Variants in RYR3 observed in about 807,000 individuals in gnomAD.
RYR3 encodes the protein brain ryanodine receptor-calcium release channel.
A neutral mutation model predicts 584.3 loss-of-function variants in RYR3; 207 were observed. The observed-to-expected ratio is 0.35, with a 90% CI of 0.32 to 0.40. The LOEUF is 0.40. RYR3 is among the 10% of genes least tolerant of loss of function. The pLI, the probability that RYR3 is intolerant of heterozygous loss-of-function variation, is 1.00. For missense variants in RYR3, 5,616 were observed against 6,089.2 expected (o/e 0.92, Z 2.59); for synonymous variants, 2,416 against 2,248.5 (o/e 1.07, Z -2.11).
intron 38 of RYR3, among the ~76,000 whole-genome samples, chr15:33,673,619 G>A (rs952934835): frequency 6.6e-6 from 1 of 152,154 alleles, no homozygotes; most frequent in African/African-American, 2.4e-5. Flanking sequence ...AGTTTAAGCA[G>A]CATTTCCTTC....
intron 23 of RYR3, among the ~76,000 whole-genome samples, chr15:33,631,761 T>A (rs1352859898): frequency 6.6e-6 from 1 of 152,180 alleles, no homozygotes; most frequent in Non-Finnish European, 1.5e-5. Context: ...AGTTGCACAT[T>A]TCTTGTCCTT....
chr15:33,725,462 G>C (rs1596322013), intron 45 of RYR3, among the ~76,000 whole-genome samples: 1 of 152,266 alleles, frequency 6.6e-6, no homozygotes, highest in South Asian at 2.1e-4. Context: ...GAGACTGCCT[G>C]TGCAGGGGGA....
Position 33,489,201 on chromosome 15 carries a change from A to G in RYR3, c.172-14430A>G, listed in dbSNP as rs948704518. Among the ~76,000 whole-genome samples the G allele has an allele frequency of 7.2e-5, 11 of 152,272 alleles. No individual in the cohort carries two copies. In the East Asian group the frequency reaches 2.1e-3, roughly 29 times the overall value. On this transcript the variant is annotated intron_variant, in intron 2 of 103. Coordinates refer to ENST00000634891, the MANE Select transcript of RYR3 (RefSeq NM_001036.6). ...TTCAGACATTTACATCGACAGCTTT[A>G]TGTTCCTTATTTTTTTAACTTTTAA... is the stretch of plus-strand genomic sequence containing the variant.
In RYR3 at chr15:33,865,973, A is replaced by G. The variant is rs888996897; in HGVS notation, c.*747A>G. The G allele has an allele frequency of 3.9e-5, 6 of 152,858 alleles. No individual in the cohort carries two copies. The highest frequency in any genetic ancestry group is 1.3e-4 in the Admixed American group (2 of 15,302). 9.5% of individuals were successfully genotyped at this position (152,858 alleles called of 1,614,324 possible). A position where few individuals can be genotyped will look rare whatever the true frequency, so the allele number is the denominator to read the frequency against. Reference sequence around the variant, plus strand: ...AGTACTGTACTGAAAATTCAGAAAAAAAATCTCAACCTTATGCCAAAATGG... The same window carrying G: ...AGTACTGTACTGAAAATTCAGAAAAGAAATCTCAACCTTATGCCAAAATGG... On this transcript the variant is annotated 3_prime_UTR_variant, in exon 104 of 104. Coordinates refer to ENST00000634891, the MANE Select transcript of RYR3 (RefSeq NM_001036.6).
At chr15:33,389,592 A>G (rs1026596009) in intron 1 of RYR3, among the ~76,000 whole-genome samples, 3 of 152,360 alleles carry the variant, frequency 2.0e-5, no homozygotes, top group East Asian at 3.9e-4. Flanking sequence ...TACCGCAGCA[A>G]GTAATGTAAT....
chr15:33,850,768 G>T (rs960131492), intron 94 of RYR3: 1 of 152,012 alleles, frequency 6.6e-6, no homozygotes, highest in Non-Finnish European at 1.5e-5. Context: ...GAACATTACT[G>T]AGAGCTTAAA....
rs527558474 is a variant in RYR3 at position 33,363,082 on chromosome 15, C to T, written c.51+51986C>T. On this transcript the variant is annotated intron_variant, in intron 1 of 103. Transcript: ENST00000634891. ...CAACACAGCAACCTTCATCTGGCAT[C>T]TCCATTTGTTGATGAATAAATAAAA... Among the ~76,000 whole-genome samples, 12 of 152,302 alleles carry T rather than the reference C, an allele frequency of 7.9e-5. No individual in the cohort carries two copies. The East Asian group carries it at 2.3e-3, about 29-fold the overall frequency.
At chr15:33,797,791 A>G (rs2075708334) in intron 67 of RYR3, among the ~76,000 whole-genome samples, 1 of 152,190 alleles carries the variant, frequency 6.6e-6, no homozygotes, top group South Asian at 2.1e-4. Flanking sequence ...CACTGAAGGC[A>G]TCTGGAAAAC....
chr15:33,552,307 C>T (rs1000279055), intron 10 of RYR3, among the ~76,000 whole-genome samples: 3 of 152,280 alleles, frequency 2.0e-5, no homozygotes, highest in Admixed American at 1.3e-4. Context: ...TTGTAACACT[C>T]CTTCCACTTG....
Position 33,643,167 on chromosome 15 carries a change from C to G in RYR3, c.3557-1144C>G, listed in dbSNP as rs568028615. On this transcript the variant is annotated intron_variant, in intron 27 of 103. Coordinates refer to ENST00000634891, the MANE Select transcript of RYR3 (RefSeq NM_001036.6). Reference sequence around the variant, plus strand: ...TTAAATGTCCCCCGAAATGACCACTCTTATCCTAGGGAGTGACACCACTTT... The same window carrying G: ...TTAAATGTCCCCCGAAATGACCACTGTTATCCTAGGGAGTGACACCACTTT... 5.3e-4 allele frequency among the ~76,000 whole-genome samples: 80 copies of G among 152,254 alleles called. 1 individual carries two copies. Among genetic ancestry groups the G allele is most frequent in the Middle Eastern group, 3.4e-3 (1 of 294 alleles).
At chr15:33,419,505 A>G (rs1247069743) in intron 1 of RYR3, among the ~76,000 whole-genome samples, 4 of 151,954 alleles carry the variant, frequency 2.6e-5, no homozygotes. Flanking sequence ...TCCATCTATC[A>G]TTCATTTATT....
chr15:33,651,310 C>T (rs933538384), intron 31 of RYR3, among the ~76,000 whole-genome samples: 5 of 152,218 alleles, frequency 3.3e-5, no homozygotes, highest in African/African-American at 1.2e-4. Context: ...TAATTGTATT[C>T]TGTATTAGTC....
intron 64 of RYR3, among the ~76,000 whole-genome samples, chr15:33,778,197 A>ATAAG (rs58385342): frequency 6.6e-6 from 1 of 151,632 alleles, no homozygotes; most frequent in Non-Finnish European, 1.5e-5. Context: ...AAATAAATAA[A>ATAAG]GCTATCAGAT....
At chr15:33,401,152 G>T (rs1051251231) in intron 1 of RYR3, among the ~76,000 whole-genome samples, 2 of 152,052 alleles carry the variant, frequency 1.3e-5, no homozygotes, top group South Asian at 4.2e-4. Context: ...TCTTCTGCTC[G>T]GCTATTATGA....
intron 31 of RYR3, 30 bp from the exon 32 acceptor site, chr15:33,652,688 T>A (rs753107046): frequency 5.0e-6 from 8 of 1,608,576 alleles, no homozygotes; most frequent in Non-Finnish European, 6.8e-6. Flanking sequence ...CCAGTCCAGA[T>A]TCTGTGCCTT....
intron 3 of RYR3, among the ~76,000 whole-genome samples, chr15:33,504,389 A>G (rs2052278754): frequency 6.6e-6 from 1 of 152,146 alleles, no homozygotes; most frequent in Non-Finnish European, 1.5e-5. Context: ...ATTCATTTTT[A>G]TATATTTGTC....
intron 38 of RYR3, among the ~76,000 whole-genome samples, chr15:33,695,974 TG>T (rs35465442): frequency 0.31 from 25,686 of 82,778 alleles, 6,380 homozygotes; most frequent in East Asian, 0.57. Context: ...TTTTTTTTTT[TG>T]GTAGCAACAG....
chr15:33,542,632 C>T (rs183277585), intron 7 of RYR3, among the ~76,000 whole-genome samples: 2 of 152,226 alleles, frequency 1.3e-5, no homozygotes, highest in African/African-American at 2.4e-5. Context: ...TAATAATACC[C>T]TTTTCTCCTC....
intron 19 of RYR3, among the ~76,000 whole-genome samples, chr15:33,619,650 A>G (rs1252127351): frequency 6.6e-6 from 1 of 152,204 alleles, no homozygotes; most frequent in Non-Finnish European, 1.5e-5. Context: ...AGTTCTATCT[A>G]TTTGAATATA....
Sources: allele counts gnomAD v4.1 joint callset (sites outside exome capture counted in the v4.1 genomes callset), GRCh38; gene constraint gnomAD v4.1.1; transcripts MANE v1.5; gene names NCBI Gene and HGNC (gene_info 2026-07-23, HGNC 2026-07-21).